The following POM121 variants were observed in gnomAD, a reference collection of about 807,000 sequenced individuals.
POM121 encodes POM121 transmembrane nucleoporin.
In POM121, 32 loss-of-function variants were observed where a neutral mutation model predicts 81.3. The ratio of observed to expected loss-of-function variants is 0.39; its 90% CI spans 0.30 to 0.53. The LOEUF is 0.53. Among genes scored for constraint, POM121 ranks in the 20% least tolerant of loss-of-function variants. The pLI, the probability that POM121 is intolerant of heterozygous loss-of-function variation, is 0.66. For missense variants in POM121, 1,138 were observed against 1,614.6 expected (o/e 0.70, Z 5.06); for synonymous variants, 514 against 694.2 (o/e 0.74, Z 4.08).
intron 1 of POM121, among the ~76,000 whole-genome samples, chr7:72,883,946 C>G (rs1740038493): frequency 6.6e-6 from 1 of 152,122 alleles, no homozygotes; most frequent in African/African-American, 2.4e-5. Flanking sequence ...GACAGAGTCT[C>G]ACTCTGTCAC....
upstream of POM121, chr7:72,924,792 G>T (rs570797006): frequency 4.7e-5 from 14 of 299,454 alleles, no homozygotes; most frequent in African/African-American, 3.0e-4. Flanking sequence ...CTGGTAACAG[G>T]CTGTGCTGGA....
At position 72,938,696 on chromosome 7, in the gene POM121, C is replaced by T. The variant is rs782689520; in HGVS notation, c.1367+15C>T. Reference sequence around the variant, plus strand: ...AAGAAAATAAGGTACTTGGCATTCTCCTGCAGTTTTCATTTGCTGCGTGGA... The same window carrying T: ...AAGAAAATAAGGTACTTGGCATTCTTCTGCAGTTTTCATTTGCTGCGTGGA... On this transcript the variant is annotated intron_variant, in intron 6 of 12. Coordinates refer to ENST00000434423, the MANE Select transcript of POM121 (RefSeq NM_001387691.1). The T allele has an allele frequency of 1.2e-6, 2 of 1,612,060 alleles. No homozygotes were observed. The highest frequency in any genetic ancestry group is 1.7e-6 in the Non-Finnish European group (2 of 1,178,132).
chr7:72,924,534 T>C (rs1795153365), upstream of POM121: 1 of 152,280 alleles, frequency 6.6e-6, no homozygotes, highest in South Asian at 2.1e-4. Flanking sequence ...AAAAAGCCTA[T>C]AACCATGACC....
Position 72,946,556 on chromosome 7 carries a change from G to A in POM121, c.*322G>A. The stretch of plus-strand genomic sequence containing the variant: ...CTCCCGCTTAGCACACCCTTAGGCA[G>A]GCGCCCCTTCCACCTTTCCCCGAGA... On this transcript the variant is annotated 3_prime_UTR_variant, in exon 13 of 13. Coordinates refer to ENST00000434423, the MANE Select transcript of POM121 (RefSeq NM_001387691.1). The A allele has an allele frequency of 9.2e-7, 1 of 1,081,262 alleles. No homozygotes were observed. Among genetic ancestry groups the A allele is most frequent in the Non-Finnish European group, 1.1e-6 (1 of 891,726 alleles). The allele number at this position is 1,081,262 out of a possible 1,614,324, so 67.0% of individuals were successfully genotyped here.
chr7:72,939,035 A>G (rs1162789282), intron 6 of POM121, among the ~76,000 whole-genome samples: 1 of 152,080 alleles, frequency 6.6e-6, no homozygotes, highest in Non-Finnish European at 1.5e-5. Flanking sequence ...CTGGAATGCC[A>G]CTCCCTCAGG....
chr7:72,896,243 C>G (rs2867766), intron 3 of POM121, among the ~76,000 whole-genome samples: 6 of 151,930 alleles, frequency 3.9e-5, no homozygotes, highest in Admixed American at 1.3e-4. Flanking sequence ...CCAGCACTTT[C>G]GGTGGTCAAG....
intron 3 of POM121, among the ~76,000 whole-genome samples, chr7:72,907,427 C>T (rs1314714532): frequency 3.9e-5 from 6 of 151,960 alleles, no homozygotes; most frequent in South Asian, 2.1e-4. Flanking sequence ...AGATATTTAC[C>T]GTCTTATTGC....
intron 5 of POM121, among the ~76,000 whole-genome samples, chr7:72,936,735 T>TTGC: frequency 6.6e-6 from 1 of 152,300 alleles, no homozygotes; most frequent in South Asian, 2.1e-4. Context: ...TGACCCTTGC[T>TTGC]TGCTCAGTGA....
At position 72,905,008 on chromosome 7, in the gene POM121, C is replaced by T. The variant is rs181713187; in HGVS notation, c.-215-8757C>T. Among the ~76,000 whole-genome samples, 43 of 152,290 alleles carry T rather than the reference C, an allele frequency of 2.8e-4. No individual in the cohort carries two copies. In the East Asian group the frequency reaches 4.3e-3, roughly 15 times the overall value. On this transcript the variant is annotated intron_variant, in intron 3 of 15. Coordinates refer to the POM121 transcript ENST00000395270. ...CTTCCACCAGGTCCCTCCTTGACCC[C>T]TGGGGATTACAATTCAGGATGAGAT... is the stretch of plus-strand genomic sequence containing the variant.
At chr7:72,921,160 G>C (rs1320075248), upstream of POM121, among the ~76,000 whole-genome samples, 1 of 152,020 alleles carries the variant, frequency 6.6e-6, no homozygotes, top group East Asian at 1.9e-4. Flanking sequence ...CTCCAACCTG[G>C]GCAACGAGCA....
chr7:72,929,195 G>A (rs1241997447), intron 4 of POM121, among the ~76,000 whole-genome samples: 1 of 152,158 alleles, frequency 6.6e-6, no homozygotes, highest in South Asian at 2.1e-4. Flanking sequence ...AAGTCTCAGG[G>A]GGAATAAAGA....
intron 5 of POM121, among the ~76,000 whole-genome samples, chr7:72,933,197 C>A (rs1337863198): frequency 1.3e-5 from 2 of 151,984 alleles, no homozygotes; most frequent in African/African-American, 2.4e-5. Flanking sequence ...ACTAAAAATA[C>A]AAAAAATTTA....
intron 1 of POM121, among the ~76,000 whole-genome samples, chr7:72,885,102 A>G (rs2129574488): frequency 6.6e-6 from 1 of 152,316 alleles, no homozygotes; most frequent in Admixed American, 6.5e-5. Flanking sequence ...CATTTGAAGA[A>G]TACAGGCCAA....
chr7:72,899,005 T>A (rs1183052656), intron 3 of POM121, among the ~76,000 whole-genome samples: 4 of 73,518 alleles, frequency 5.4e-5, no homozygotes, highest in Admixed American at 1.6e-4. Flanking sequence ...TTTTTTTTTT[T>A]AGACAGAGTC....
At chr7:72,936,728 C>T (rs569273943) in intron 5 of POM121, among the ~76,000 whole-genome samples, 1 of 152,102 alleles carries the variant, frequency 6.6e-6, no homozygotes, top group Non-Finnish European at 1.5e-5. Flanking sequence ...GCATTTCTGA[C>T]CCTTGCTTGC....
rs1193207346 is a variant in POM121 at position 72,925,286 on chromosome 7, G to A, written c.165G>A (p.Leu55=). The A allele has an allele frequency of 9.7e-5, 149 of 1,534,512 alleles. No individual in the cohort carries two copies. Among genetic ancestry groups the A allele is most frequent in the Non-Finnish European group, 1.1e-4 (126 of 1,146,468 alleles). Residue 55 remains leucine, a synonymous_variant, in exon 1 of 13, where the codon CTG becomes CTA. Transcript: ENST00000434423. ...LLYLVPAAAA[L]AWLTVGATAA... Reference sequence around the variant, plus strand: ...ACCTCGTGCCGGCTGCGGCTGCACTGGCCTGGCTGACCGTGGGGGCTACCG... The same window carrying A: ...ACCTCGTGCCGGCTGCGGCTGCACTAGCCTGGCTGACCGTGGGGGCTACCG...
intron 3 of POM121, among the ~76,000 whole-genome samples, chr7:72,902,479 AT>A (rs1473128420): frequency 1.4e-5 from 2 of 147,470 alleles, no homozygotes; most frequent in South Asian, 2.1e-4. Flanking sequence ...AATAATTTCT[AT>A]TTTTTTCCTT....
chr7:72,944,103 C>A (rs1192770641), intron 11 of POM121, among the ~76,000 whole-genome samples: 25 of 152,086 alleles, frequency 1.6e-4, no homozygotes, highest in African/African-American at 6.0e-4. Flanking sequence ...CCTTTCAGGC[C>A]CAGGATGGCG....
chr7:72,948,786 G>A (rs200360121), downstream of POM121: 882 of 1,572,800 alleles, frequency 5.6e-4, 4 homozygotes, highest in Non-Finnish European at 6.9e-4. Flanking sequence ...CGGTGGGGCC[G>A]GGCAGGCAGG....
Sources: allele counts gnomAD v4.1 joint callset (sites outside exome capture counted in the v4.1 genomes callset), GRCh38; gene constraint gnomAD v4.1.1; transcripts MANE v1.5; gene names NCBI Gene and HGNC (gene_info 2026-07-23, HGNC 2026-07-21).